NR3C2: variants seen among roughly 807,000 people sequenced by gnomAD.
NR3C2 encodes nuclear receptor subfamily 3 group C member 2.
NR3C2 carries 15 observed loss-of-function variants against 86.4 expected under a neutral mutation model. The observed-to-expected ratio is 0.17, with a 90% CI of 0.12 to 0.27. The LOEUF is 0.27. NR3C2 is among the 10% of genes least tolerant of loss of function. NR3C2 has a pLI of 1.00. For missense variants in NR3C2, 960 were observed against 1,195.6 expected (o/e 0.80, Z 2.91); for synonymous variants, 458 against 450.5 (o/e 1.02, Z -0.21).
chr4:148,438,412 A>G (rs572643784), intron 1 of NR3C2, among the ~76,000 whole-genome samples: 124 of 152,354 alleles, frequency 8.1e-4, no homozygotes, highest in South Asian at 2.3e-3. Context: ...TTTACATTTT[A>G]GTATTTTAAA....
chr4:148,414,532 T>C (rs1017273151), intron 2 of NR3C2, among the ~76,000 whole-genome samples: 25 of 152,176 alleles, frequency 1.6e-4, no homozygotes, highest in Admixed American at 1.6e-3. Context: ...CTCTGTTCAG[T>C]TCAACTAATT....
chr4:148,426,326 C>T (rs950928135), intron 2 of NR3C2, among the ~76,000 whole-genome samples: 3 of 152,118 alleles, frequency 2.0e-5, no homozygotes, highest in African/African-American at 7.2e-5. Flanking sequence ...CCTGGTCTTC[C>T]CAACCCTCTG....
intron 2 of NR3C2, among the ~76,000 whole-genome samples, chr4:148,312,252 C>CT (rs572924097): frequency 1.8e-3 from 272 of 152,188 alleles, no homozygotes; most frequent in African/African-American, 6.2e-3. Context: ...ATACTCAAAA[C>CT]TCATCATTTC....
At position 148,435,883 on chromosome 4, in the gene NR3C2, T is replaced by A; in HGVS notation, c.978A>T (p.Ala326=). Reference sequence around the variant, plus strand: ...TACAGATAGATCCCACAGTACTGGCTGCCGGACTGGAAAGCGTGGATCTGT... The same window carrying A: ...TACAGATAGATCCCACAGTACTGGCAGCCGGACTGGAAAGCGTGGATCTGT... ...TNNRSTLSSP[A]ASTVGSICSP... is the part of the protein sequence containing the mutation. Residue 326 remains alanine, a synonymous_variant, in exon 2 of 9, where the codon GCA becomes GCT. Coordinates refer to ENST00000358102, the MANE Select transcript of NR3C2 (RefSeq NM_000901.5). 1 of 1,614,210 alleles carries A rather than the reference T, an allele frequency of 6.2e-7. No homozygotes were observed. The highest frequency in any genetic ancestry group is 8.5e-7 in the Non-Finnish European group (1 of 1,180,028).
chr4:148,129,845 C>T (rs563679716), intron 6 of NR3C2, among the ~76,000 whole-genome samples: 7 of 152,270 alleles, frequency 4.6e-5, no homozygotes, highest in South Asian at 2.1e-4. Flanking sequence ...ATCTGCCCCC[C>T]GCTTCGCCTC....
chr4:148,138,393 T>C (rs1243961690), intron 6 of NR3C2, among the ~76,000 whole-genome samples: 1 of 152,202 alleles, frequency 6.6e-6, no homozygotes, highest in African/African-American at 2.4e-5. Context: ...TCACCTATTT[T>C]ATTTTTTTGA....
At chr4:148,216,227 C>G (rs990219832) in intron 3 of NR3C2, among the ~76,000 whole-genome samples, 2 of 151,940 alleles carry the variant, frequency 1.3e-5, no homozygotes, top group Non-Finnish European at 2.9e-5. Flanking sequence ...GACTCCCCAC[C>G]ACCCCCCCAA....
At chr4:148,165,705 A>G (rs1326261072) in intron 4 of NR3C2, among the ~76,000 whole-genome samples, 1 of 152,184 alleles carries the variant, frequency 6.6e-6, no homozygotes, top group Non-Finnish European at 1.5e-5. Context: ...CTTAGTAAGA[A>G]AAAGAAATGA....
intron 5 of NR3C2, 56 bp downstream of exon 5, chr4:148,154,495 G>C: frequency 6.5e-7 from 1 of 1,542,390 alleles, no homozygotes; most frequent in Non-Finnish European, 9.0e-7. Context: ...GGCGAAGTCA[G>C]TTGCCCAGAC....
At chr4:148,185,658 CACT>C (rs774032813) in intron 4 of NR3C2, among the ~76,000 whole-genome samples, 24 of 152,234 alleles carry the variant, frequency 1.6e-4, no homozygotes, top group Non-Finnish European at 3.5e-4. Context: ...AGATGACCAC[CACT>C]ACTAGCATCT....
intron 3 of NR3C2, among the ~76,000 whole-genome samples, chr4:148,199,248 C>T (rs1426956676): frequency 2.0e-5 from 3 of 152,084 alleles, no homozygotes; most frequent in Non-Finnish European, 2.9e-5. Context: ...AAACGCCATT[C>T]AGCTCCGAAC....
At chr4:148,356,727 T>A (rs1310296136) in intron 2 of NR3C2, among the ~76,000 whole-genome samples, 1 of 152,230 alleles carries the variant, frequency 6.6e-6, no homozygotes, top group Non-Finnish European at 1.5e-5. Context: ...TATGTATGTG[T>A]GTGTACATAA....
intron 6 of NR3C2, among the ~76,000 whole-genome samples, chr4:148,145,909 GGAA>G (rs1258228378): frequency 6.6e-6 from 1 of 152,072 alleles, no homozygotes; most frequent in Non-Finnish European, 1.5e-5. Flanking sequence ...AGTGGGAGGT[GGAA>G]GAAGGAGAGA....
At position 148,251,262 on chromosome 4, in the gene NR3C2, T is replaced by C. The variant is rs533923065; in HGVS notation, c.1897+8716A>G. Among the ~76,000 whole-genome samples the C allele has an allele frequency of 3.9e-5, 6 of 152,152 alleles. No individual in the cohort carries two copies. In the East Asian group the frequency reaches 7.7e-4, roughly 20 times the overall value. On this transcript the variant is annotated intron_variant, in intron 3 of 8. Coordinates refer to ENST00000358102, the MANE Select transcript of NR3C2 (RefSeq NM_000901.5). ...GCGTGAGCCACCGCACCCAACACAG[T>C]CTCCATCTAATAGTCTTCCATCACC... is the stretch of plus-strand genomic sequence containing the variant.
chr4:148,283,214 TGG>T (rs1239355290), intron 2 of NR3C2, among the ~76,000 whole-genome samples: 1 of 151,948 alleles, frequency 6.6e-6, no homozygotes, highest in Non-Finnish European at 1.5e-5. Context: ...TGCCTAAGAG[TGG>T]GGTCAGGTAA....
chr4:148,156,899 C>A (rs1734417951), intron 4 of NR3C2, among the ~76,000 whole-genome samples: 1 of 152,032 alleles, frequency 6.6e-6, no homozygotes, highest in South Asian at 2.1e-4. Flanking sequence ...AGACTTGGAA[C>A]CAACCCAAAT....
intron 2 of NR3C2, among the ~76,000 whole-genome samples, chr4:148,355,449 T>C (rs1745507184): frequency 6.6e-6 from 1 of 152,192 alleles, no homozygotes; most frequent in Non-Finnish European, 1.5e-5. Context: ...CTGAACCCTC[T>C]ACCCCACTCC....
chr4:148,331,608 A>C (rs184405779), intron 2 of NR3C2, among the ~76,000 whole-genome samples: 1 of 152,368 alleles, frequency 6.6e-6, no homozygotes, highest in East Asian at 1.9e-4. Flanking sequence ...TACAAATCCT[A>C]TGAAAAACTG....
chr4:148,302,477 G>A (rs1286843490), intron 2 of NR3C2, among the ~76,000 whole-genome samples: 1 of 152,098 alleles, frequency 6.6e-6, no homozygotes, highest in African/African-American at 2.4e-5. Flanking sequence ...AACTAGTTGT[G>A]AGTATTCTTA....
Sources: gnomAD v4.1 joint callset for allele counts (sites outside exome capture counted in the v4.1 genomes callset) on GRCh38, gnomAD v4.1.1 for gene constraint, MANE v1.5 for transcripts, NCBI Gene and HGNC (gene_info 2026-07-23, HGNC 2026-07-21) for gene names.